Variants in CUL7 observed in about 807,000 individuals in gnomAD.
CUL7 encodes the protein cullin 7.
In CUL7, 96 loss-of-function variants were observed where a neutral mutation model predicts 177.7. The observed-to-expected ratio is 0.54, with a 90% confidence interval of 0.46 to 0.64. The LOEUF is 0.64. CUL7 is among the 30% of genes least tolerant of loss of function. The pLI is 0.00. For missense variants in CUL7, 1,893 were observed against 2,187.9 expected (o/e 0.87, Z 2.69); for synonymous variants, 824 against 890.2 (o/e 0.93, Z 1.32).
At chr6:43,041,160 G>T in intron 19 of CUL7, 85 bp from the exon 20 acceptor site, 1 of 1,352,186 alleles carries the variant, frequency 7.4e-7, no homozygotes, top group Non-Finnish European at 1.0e-6. Flanking sequence ...CTGGAAAGTA[G>T]ATATGAATGC....
chr6:43,038,043 T>A, intron 25 of CUL7, 32 bp from the exon 26 acceptor site: 1 of 1,572,532 alleles, frequency 6.4e-7, no homozygotes. Flanking sequence ...GAAGCGGTAG[T>A]TTAGAGGCAG....
In CUL7 at chr6:43,046,374, C is replaced by G; in HGVS notation, c.2522G>C (p.Trp841Ser). The G allele has an allele frequency of 6.2e-7, 1 of 1,614,240 alleles. No homozygotes were observed. Among genetic ancestry groups the G allele is most frequent in the Non-Finnish European group, 8.5e-7 (1 of 1,180,040 alleles). ...GTTGGAGGACACCTCCACCTTCTCC[C>G]AGCACTTGTCCTCCTTCACTTCCAC... is the stretch of plus-strand genomic sequence containing the variant. ...SSVEVKEDKC[W>S]EKVEVSSNPH... is the part of the protein sequence containing the mutation. Residue 841 changes from tryptophan (W) to serine (S), a missense_variant, in exon 12 of 26, where the codon TGG becomes TCG. Transcript: ENST00000265348.
At chr6:43,047,836 G>C (rs1215897374) in intron 9 of CUL7, 1 of 385,426 alleles carries the variant, frequency 2.6e-6, no homozygotes, top group Non-Finnish European at 4.7e-6. Flanking sequence ...ATTTGCATAA[G>C]GGAACACGGG....
Position 43,037,764 on chromosome 6 carries a change from T to G in CUL7, c.5021A>C (p.His1674Pro). 1 of 1,587,920 alleles carries G rather than the reference T, an allele frequency of 6.3e-7. No homozygotes were observed. Among genetic ancestry groups the G allele is most frequent in the Non-Finnish European group, 8.6e-7 (1 of 1,167,198 alleles). The change falls in exon 26 of 26, where the codon CAT (histidine) becomes CCT (proline). Residue 1674 changes from histidine to proline, a missense_variant. His to Pro is a moderately conservative substitution (Grantham distance 77). Around this residue, in one of 5 missense-constraint regions of CUL7, gnomAD observed 248 missense variants for 262.5 expected, o/e 0.94. Coordinates refer to ENST00000265348, the MANE Select transcript of CUL7 (RefSeq NM_014780.5). ...ACCCCGGGAGCGAATCTGTAGGGTATGGAAGGTGAGGGGTGGGTTGGGGCC... is the reference window on the plus strand; with the variant it reads ...ACCCCGGGAGCGAATCTGTAGGGTAGGGAAGGTGAGGGGTGGGTTGGGGCC... ...SSGPNPPLTF[H>P]TLQIRSRGVP...
rs138726142 is a variant in CUL7, at chr6:43,042,899, C to T, written c.3548G>A (p.Ser1183Asn). The T allele has an allele frequency of 1.9e-6, 3 of 1,614,152 alleles. No homozygotes were observed. The highest frequency in any genetic ancestry group is 2.5e-6 in the Non-Finnish European group (3 of 1,180,034). ...CEHFNILQNS[S>N]SELFGPRAAF... Reference sequence around the variant, plus strand: ...TGCCCGAGGCCCAAACAGTTCAGAGCTTGAGTTCTGCAGAATATTAAAGTG... The same window carrying T: ...TGCCCGAGGCCCAAACAGTTCAGAGTTTGAGTTCTGCAGAATATTAAAGTG... The change falls in exon 19 of 26, where the codon AGC becomes AAC. Residue 1183 changes from serine (S) to asparagine (N), a missense_variant. Coordinates refer to ENST00000265348, the MANE Select transcript of CUL7 (RefSeq NM_014780.5).
Position 43,042,995 on chromosome 6 carries a change from G to A in CUL7, c.3463-11C>T. On this transcript the variant is annotated splice_polypyrimidine_tract_variant and intron_variant, in intron 18 of 25. Coordinates refer to ENST00000265348, the MANE Select transcript of CUL7 (RefSeq NM_014780.5). ...CAGAAAATTGTTCACCTGGAAGGAA[G>A]GGGCAGGAGCATGAAGACACAACCC... 1 of 1,614,154 alleles carries A rather than the reference G, an allele frequency of 6.2e-7. No individual in the cohort carries two copies. The highest frequency in any genetic ancestry group is 8.5e-7 in the Non-Finnish European group (1 of 1,180,028).
Position 43,052,308 on chromosome 6 carries a change from T to G in CUL7, c.481A>C (p.Arg161=). 6.2e-7 allele frequency: 1 copy of G among 1,614,010 alleles called. No individual in the cohort carries two copies. Among genetic ancestry groups the G allele is most frequent in the Non-Finnish European group, 8.5e-7 (1 of 1,179,854 alleles). The part of the protein sequence containing the change: ...EPLTGVFKDP[R]VLDLLMHMLS... ...ATGTGCATGAGCAAGTCCAGGACCC[T>G]TGGGTCCTTGAATACTCCAGTGAGG... Residue 161 remains arginine (R), a synonymous_variant, in exon 2 of 26, where the codon AGG becomes CGG. Coordinates refer to ENST00000265348, the MANE Select transcript of CUL7 (RefSeq NM_014780.5). The surrounding 1 kb of genome is among the most constrained non-coding windows in gnomAD (Gnocchi z 4.5).
intron 19 of CUL7, among the ~76,000 whole-genome samples, chr6:43,041,450 A>G (rs1336846488): frequency 2.6e-5 from 4 of 151,996 alleles, no homozygotes; most frequent in Non-Finnish European, 5.9e-5. Context: ...TACTAAAAAT[A>G]CGAAAAAATT....
intron 22 of CUL7, 103 bp from the exon 23 acceptor site, chr6:43,039,090 G>A (rs781339095): frequency 6.4e-5 from 50 of 782,292 alleles, no homozygotes; most frequent in South Asian, 4.9e-4. Context: ...TCTGCAAGGC[G>A]TGTGACCCCA....
At chr6:43,041,334 C>T (rs929948332) in intron 19 of CUL7, among the ~76,000 whole-genome samples, 2 of 152,162 alleles carry the variant, frequency 1.3e-5, no homozygotes, top group Non-Finnish European at 2.9e-5. Flanking sequence ...TAAGACCAGG[C>T]GCAGTTCACG....
At position 43,037,909 on chromosome 6, in the gene CUL7, G is replaced by GGATGCAGGAGA; in HGVS notation, c.4865_4875dup (p.Leu1626SerfsTer13). ...AGCGTGCCCTTGCCCAGGAGGTGTA[G>GGATGCAGGAGA]GATGCAGGAGAGGACGTCAGTGCTG... is the stretch of plus-strand genomic sequence containing the variant. On this transcript the variant is annotated frameshift_variant, in exon 26 of 26. Transcript: ENST00000265348. LOFTEE classifies it high-confidence loss of function. The GGATGCAGGAGA allele has an allele frequency of 6.2e-7, 1 of 1,611,684 alleles. No homozygotes were observed. The highest frequency in any genetic ancestry group is 8.5e-7 in the Non-Finnish European group (1 of 1,178,118).
chr6:43,043,378 T>A lies in CUL7; in HGVS notation c.3355+70A>T. On this transcript the variant is annotated intron_variant, in intron 17 of 25. Transcript: ENST00000265348. This position sits in a 1 kb window ranked among gnomAD's most constrained non-coding sequence, Gnocchi z 4.2. ...GGAAGGATGGGGATGGACAGAAGCCTGTGGTGTACACATGGGGCCCAGGAA... is the reference window on the plus strand; with the variant it reads ...GGAAGGATGGGGATGGACAGAAGCCAGTGGTGTACACATGGGGCCCAGGAA... 1 of 1,475,388 alleles carries A rather than the reference T, an allele frequency of 6.8e-7. No homozygotes were observed. The highest frequency in any genetic ancestry group is 9.5e-7 in the Non-Finnish European group (1 of 1,056,402). The allele number at this position is 1,475,388 out of a possible 1,614,324, so 91.4% of individuals were successfully genotyped here.
In CUL7 at chr6:43,052,334, G is replaced by A. The variant is rs1354126497; in HGVS notation, c.455C>T (p.Pro152Leu). The A allele has an allele frequency of 4.3e-6, 7 of 1,614,212 alleles. No homozygotes were observed. The East Asian group carries it at 1.6e-4, about 36-fold the overall frequency. ...HVLSAYASIE[P>L]LTGVFKDPRV... ...TGGGTCCTTGAATACTCCAGTGAGG[G>A]GCTCAATGCTGGCATAGGCGCTGAG... Residue 152 changes from proline (P) to leucine (L), a missense_variant, in exon 2 of 26, where the codon CCC becomes CTC. Physicochemically the swap from Pro to Leu is moderately conservative, Grantham distance 98. Coordinates refer to ENST00000265348, the MANE Select transcript of CUL7 (RefSeq NM_014780.5). The surrounding 1 kb of genome is among the most constrained non-coding windows in gnomAD (Gnocchi z 4.5).
chr6:43,041,171 T>G lies in CUL7; in HGVS notation c.3646-96A>C. The G allele has an allele frequency of 2.4e-6, 3 of 1,237,512 alleles. No homozygotes were observed. The South Asian group carries it at 3.8e-5, about 16-fold the overall frequency. 76.7% of individuals were successfully genotyped at this position (1,237,512 alleles called of 1,614,324 possible). On this transcript the variant is annotated intron_variant, in intron 19 of 25. Transcript: ENST00000265348. Reference sequence around the variant, plus strand: ...GGGTCTGGAAAGTAGATATGAATGCTGGCAGCTTTCTAAGGTGGTTGGTGC... The same window carrying G: ...GGGTCTGGAAAGTAGATATGAATGCGGGCAGCTTTCTAAGGTGGTTGGTGC...
chr6:43,051,150 AG>A lies in CUL7; in HGVS notation c.1050del (p.Phe351SerfsTer117), dbSNP rs1561894589. On this transcript the variant is annotated frameshift_variant, in exon 4 of 26. Transcript: ENST00000265348. LOFTEE classifies it high-confidence loss of function. The surrounding 1 kb of genome is among the most constrained non-coding windows in gnomAD (Gnocchi z 5.0). ...GGGCGAAAACGTCTTGACCTCCTGAAGGAGGGCTGAGCCTGGGCAGCGGGGA... is the reference window on the plus strand; with the variant it reads ...GGGCGAAAACGTCTTGACCTCCTGAAGAGGGCTGAGCCTGGGCAGCGGGGA... ...PGLPAAQAQPSFRRSRRFRPR... is the reference protein window; with the variant it reads ...PGLPAAQAQPXFRRSRRFRPR... The A allele has an allele frequency of 6.2e-7, 1 of 1,614,218 alleles. No individual in the cohort carries two copies. The highest frequency in any genetic ancestry group is 1.1e-5 in the South Asian group (1 of 91,086).
In CUL7 at chr6:43,040,450, ATGCCATGGCCTCCTCCAGTC is replaced by A. The variant is rs1303961123; in HGVS notation, c.4024-44_4024-25del. 6.2e-7 allele frequency: 1 copy of A among 1,612,208 alleles called. No individual in the cohort carries two copies. Among genetic ancestry groups the A allele is most frequent in the East Asian group, 2.2e-5 (1 of 44,868 alleles). On this transcript the variant is annotated intron_variant, in intron 21 of 25. Transcript: ENST00000265348. This position sits in a 1 kb window ranked among gnomAD's most constrained non-coding sequence, Gnocchi z 4.2. ...ACCTGAAGGAGCACAGGGTTCCCAG[ATGCCATGGCCTCCTCCAGTC>A]TGCTCCACGCCCCTCTTCCCCCTAC...
chr6:43,049,175 T>C (rs1236305916), intron 7 of CUL7, among the ~76,000 whole-genome samples: 3 of 152,218 alleles, frequency 2.0e-5, no homozygotes, highest in African/African-American at 7.2e-5. Flanking sequence ...AAAAGCTAAA[T>C]GTGGGGGCTT....
rs142756142 is a variant in CUL7, at chr6:43,053,378, C to G, written c.-9+244G>C. 6.6e-6 allele frequency among the ~76,000 whole-genome samples: 1 copy of G among 152,024 alleles called. No homozygotes were observed. Among genetic ancestry groups the G allele is most frequent in the South Asian group, 2.1e-4 (1 of 4,824 alleles). ...GACTGGAGCAACTGGAACAAGAGGG[C>G]TGGTGAGGGCGCCGCGAGACCCAGG... On this transcript the variant is annotated intron_variant, in intron 1 of 25. Transcript: ENST00000265348. The surrounding 1 kb of genome is among the most constrained non-coding windows in gnomAD (Gnocchi z 4.1).
chr6:43,040,442 G>A lies in CUL7; in HGVS notation c.4024-16C>T. Reference sequence around the variant, plus strand: ...CAAGGCCCACCTGAAGGAGCACAGGGTTCCCAGATGCCATGGCCTCCTCCA... The same window carrying A: ...CAAGGCCCACCTGAAGGAGCACAGGATTCCCAGATGCCATGGCCTCCTCCA... On this transcript the variant is annotated splice_polypyrimidine_tract_variant and intron_variant, in intron 21 of 25. Coordinates refer to ENST00000265348, the MANE Select transcript of CUL7 (RefSeq NM_014780.5). The surrounding 1 kb of genome is among the most constrained non-coding windows in gnomAD (Gnocchi z 4.2). 2.5e-6 allele frequency: 4 copies of A among 1,612,094 alleles called. No individual in the cohort carries two copies. The highest frequency in any genetic ancestry group is 3.4e-6 in the Non-Finnish European group (4 of 1,179,996).
Sources: allele counts gnomAD v4.1 joint callset (sites outside exome capture counted in the v4.1 genomes callset), GRCh38; gene constraint gnomAD v4.1.1; regional missense constraint gnomAD v4.1.1; non-coding constraint Gnocchi (gnomAD v3.1); transcripts MANE v1.5; gene names NCBI Gene and HGNC (gene_info 2026-07-23, HGNC 2026-07-21).